CCDC60: variants seen among roughly 807,000 people sequenced by gnomAD.
CCDC60 encodes coiled-coil domain containing 60, also known as coiled-coil domain-containing protein 60.
Under a neutral mutation model 63.5 loss-of-function variants are expected in CCDC60, and 54 were observed. That is an observed-to-expected ratio of 0.85 (90% CI 0.68 to 1.07). CCDC60 has a LOEUF of 1.07. CCDC60 is among the 50% of genes least tolerant of loss of function. CCDC60 has a pLI of 0.00. For missense variants in CCDC60, 651 were observed against 684.3 expected, an observed-to-expected ratio of 0.95 and a Z score of 0.54; for synonymous variants, 206 against 238.8, an observed-to-expected ratio of 0.86 and a Z score of 1.27.
intron 3 of CCDC60, among the ~76,000 whole-genome samples, chr12:119,475,358 C>A (rs61938114): frequency 0.068 from 10,364 of 152,216 alleles, 350 homozygotes; most frequent in African/African-American, 0.078. Flanking sequence ...AGTTTCTCAT[C>A]CATGGTCGTA....
At chr12:119,507,616 T>TATA (rs1394824727) in intron 7 of CCDC60, among the ~76,000 whole-genome samples, 9 of 79,304 alleles carry the variant, frequency 1.1e-4, no homozygotes, top group Non-Finnish European at 1.9e-4. Context: ...ATATATATAT[T>TATA]TTTTTTTTTT....
chr12:119,354,414 T>C (rs906996801), intron 1 of CCDC60, among the ~76,000 whole-genome samples: 17 of 152,176 alleles, frequency 1.1e-4, no homozygotes, highest in Non-Finnish European at 2.1e-4. Context: ...TTAGATAAGA[T>C]TGATAACAGA....
chr12:119,478,952 C>T (rs1951239466), intron 3 of CCDC60, 142 bp from the exon 4 acceptor site: 1 of 668,996 alleles, frequency 1.5e-6, no homozygotes, highest in South Asian at 1.6e-5. Flanking sequence ...CATCTGAAAC[C>T]CTCATCCCTC....
At chr12:119,469,111 C>T (rs1440428648) in intron 2 of CCDC60, among the ~76,000 whole-genome samples, 1 of 152,158 alleles carries the variant, frequency 6.6e-6, no homozygotes, top group African/African-American at 2.4e-5. Flanking sequence ...AAGCCCAACT[C>T]TTCAGAATCA....
At chr12:119,398,457 A>G (rs1956325819) in intron 1 of CCDC60, among the ~76,000 whole-genome samples, 1 of 152,158 alleles carries the variant, frequency 6.6e-6, no homozygotes, top group South Asian at 2.1e-4. Flanking sequence ...AACCAGCTCC[A>G]GCCTCGGCCA....
At chr12:119,401,065 T>C (rs759308147) in intron 1 of CCDC60, among the ~76,000 whole-genome samples, 1 of 152,224 alleles carries the variant, frequency 6.6e-6, no homozygotes, top group Non-Finnish European at 1.5e-5. Flanking sequence ...TTTCCTTATG[T>C]GTAAGCAACA....
In CCDC60 at chr12:119,537,781, C is replaced by T. The variant is rs553599679; in HGVS notation, c.1552-2833C>T. On this transcript the variant is annotated intron_variant, in intron 13 of 13. Transcript: ENST00000327554. ...CAAATATTGCTGCTAGATCCTTCCT[C>T]TGGAAGCTTCGTCCCAAAGGGGCGC... Among the ~76,000 whole-genome samples, 22 of 152,290 alleles carry T rather than the reference C, an allele frequency of 1.4e-4. 1 individual carries two copies. The South Asian group carries it at 4.6e-3, about 32-fold the overall frequency.
chr12:119,338,160 CA>C (rs2136139310), intron 1 of CCDC60, among the ~76,000 whole-genome samples: 1 of 152,148 alleles, frequency 6.6e-6, no homozygotes, highest in South Asian at 2.1e-4. Context: ...AGCTCACATT[CA>C]AAAGATCATG....
Position 119,524,455 on chromosome 12 carries a change from T to A in CCDC60, c.1229+637T>A, listed in dbSNP as rs927308537. Reference sequence around the variant, plus strand: ...ATGCATCTATACAACAAAGTTTGCATCATAGCCCGTTGCACTCTCATTTTC... The same window carrying A: ...ATGCATCTATACAACAAAGTTTGCAACATAGCCCGTTGCACTCTCATTTTC... On this transcript the variant is annotated intron_variant, in intron 11 of 13. Coordinates refer to ENST00000327554, the MANE Select transcript of CCDC60 (RefSeq NM_178499.5). 5 of 984,920 alleles carry A rather than the reference T, an allele frequency of 5.1e-6. No homozygotes were observed. The Admixed American group carries it at 2.5e-4, about 48-fold the overall frequency. The allele number at this position is 984,920 out of a possible 1,614,324, so 61.0% of individuals were successfully genotyped here.
At chr12:119,535,131 G>A (rs1215203783) in intron 13 of CCDC60, among the ~76,000 whole-genome samples, 1 of 152,096 alleles carries the variant, frequency 6.6e-6, no homozygotes, top group Non-Finnish European at 1.5e-5. Flanking sequence ...TTTCTTCCTG[G>A]TTTAGTCTTG....
At chr12:119,411,839 T>G (rs1956607510) in intron 1 of CCDC60, among the ~76,000 whole-genome samples, 1 of 152,032 alleles carries the variant, frequency 6.6e-6, no homozygotes, top group African/African-American at 2.4e-5. Context: ...CGATACACCC[T>G]TTCCCCCAAG....
chr12:119,507,455 T>A, intron 7 of CCDC60, among the ~76,000 whole-genome samples: 1 of 146,550 alleles, frequency 6.8e-6, no homozygotes, highest in East Asian at 2.0e-4. Flanking sequence ...TATATATACA[T>A]ATATACACAT....
chr12:119,375,185 C>T (rs1386940143), intron 1 of CCDC60, among the ~76,000 whole-genome samples: 2 of 152,122 alleles, frequency 1.3e-5, no homozygotes, highest in South Asian at 2.1e-4. Context: ...TTAGGGACAA[C>T]GTGTCTTAAG....
At chr12:119,463,331 G>T (rs959130105) in intron 2 of CCDC60, among the ~76,000 whole-genome samples, 1 of 152,180 alleles carries the variant, frequency 6.6e-6, no homozygotes, top group Non-Finnish European at 1.5e-5. Flanking sequence ...TGGGACTTCC[G>T]AAAGGACAGA....
chr12:119,347,366 TA>T (rs1041691688), intron 1 of CCDC60, among the ~76,000 whole-genome samples: 5 of 152,178 alleles, frequency 3.3e-5, no homozygotes, highest in African/African-American at 1.2e-4. Flanking sequence ...AATATCAAGT[TA>T]AATGGATTCA....
chr12:119,424,965 C>G (rs1291109880), intron 1 of CCDC60, among the ~76,000 whole-genome samples: 1 of 152,046 alleles, frequency 6.6e-6, no homozygotes, highest in Non-Finnish European at 1.5e-5. Context: ...TCCACTCTTA[C>G]ACAATGATGT....
Position 119,335,008 on chromosome 12 carries a change from T to C in CCDC60, c.-169T>C. ...TTATCCCGTCTGTGGGAGACCCAGGTGCTTTCTCATTACTCTTCAGAAGGA... is the reference window on the plus strand; with the variant it reads ...TTATCCCGTCTGTGGGAGACCCAGGCGCTTTCTCATTACTCTTCAGAAGGA... On this transcript the variant is annotated 5_prime_UTR_variant, in exon 1 of 14. Coordinates refer to ENST00000327554, the MANE Select transcript of CCDC60 (RefSeq NM_178499.5). 1.8e-6 allele frequency: 1 copy of C among 549,448 alleles called. No individual in the cohort carries two copies. The highest frequency in any genetic ancestry group is 3.2e-6 in the Non-Finnish European group (1 of 309,774). 34.0% of individuals were successfully genotyped at this position (549,448 alleles called of 1,614,324 possible).
chr12:119,518,566 A>G (rs1276194675), intron 8 of CCDC60, among the ~76,000 whole-genome samples: 2 of 152,194 alleles, frequency 1.3e-5, no homozygotes, highest in Non-Finnish European at 2.9e-5. Context: ...GAATAAGATA[A>G]TATTATCCCT....
At chr12:119,375,563 C>T (rs2136180344) in intron 1 of CCDC60, among the ~76,000 whole-genome samples, 1 of 152,272 alleles carries the variant, frequency 6.6e-6, no homozygotes, top group Admixed American at 6.5e-5. Flanking sequence ...GTCCATGAGC[C>T]CCTCCCCCCA....
Sources: gnomAD v4.1 joint callset for allele counts (sites outside exome capture counted in the v4.1 genomes callset) on GRCh38, gnomAD v4.1.1 for gene constraint, MANE v1.5 for transcripts, NCBI Gene and HGNC (gene_info 2026-07-23, HGNC 2026-07-21) for gene names.